GPR141: variants seen among roughly 807,000 people sequenced by gnomAD.
GPR141 encodes G protein-coupled receptor 141.
Under a neutral mutation model 6.8 loss-of-function variants are expected in GPR141, and 6 were observed. That is an observed-to-expected ratio of 0.88 (90% CI 0.48 to 1.74). The LOEUF (loss-of-function observed/expected upper bound fraction) is 1.74, where lower values mean the gene tolerates loss of function less well. GPR141 is among the 40% of genes most tolerant of loss of function. The pLI is 0.01. For missense variants in GPR141, 372 were observed against 372.9 expected, an observed-to-expected ratio of 1.00 and a Z score of 0.02; for synonymous variants, 140 against 142.3, an observed-to-expected ratio of 0.98 and a Z score of 0.11.
At chr7:37,690,144 T>C (rs1366745970) in intron 2 of GPR141, among the ~76,000 whole-genome samples, 2 of 152,236 alleles carry the variant, frequency 1.3e-5, no homozygotes, top group Non-Finnish European at 2.9e-5. Flanking sequence ...AATTTCTTCA[T>C]GACCAATTGG....
intron 2 of GPR141, among the ~76,000 whole-genome samples, chr7:37,723,195 G>A (rs1033757302): frequency 6.6e-6 from 1 of 151,870 alleles, no homozygotes; most frequent in Admixed American, 6.6e-5. Context: ...ATTTCACCAT[G>A]TTGGCCATGC....
At chr7:37,724,312 TA>T (rs1276014199) in intron 2 of GPR141, among the ~76,000 whole-genome samples, 4 of 152,024 alleles carry the variant, frequency 2.6e-5, no homozygotes, top group Admixed American at 1.3e-4. Flanking sequence ...TTTTTGCTAT[TA>T]AAAAAACCAT....
At chr7:37,703,484 A>G (rs1810385733) in intron 2 of GPR141, among the ~76,000 whole-genome samples, 1 of 152,018 alleles carries the variant, frequency 6.6e-6, no homozygotes, top group African/African-American at 2.4e-5. Flanking sequence ...TTTATCTTCT[A>G]CTCTGGAACA....
intron 2 of GPR141, among the ~76,000 whole-genome samples, chr7:37,737,870 T>C (rs1300482686): frequency 6.6e-6 from 1 of 152,090 alleles, no homozygotes; most frequent in Non-Finnish European, 1.5e-5. Context: ...AACTAACCTA[T>C]GGGATTGACT....
intron 2 of GPR141, among the ~76,000 whole-genome samples, chr7:37,691,618 G>T (rs1267200425): frequency 1.3e-5 from 2 of 152,094 alleles, no homozygotes; most frequent in African/African-American, 4.8e-5. Flanking sequence ...TGCTGTACAA[G>T]TTAGTTTTAT....
chr7:37,740,284 C>T, intron 2 of GPR141, 96 bp from the exon 3 acceptor site: 1 of 747,722 alleles, frequency 1.3e-6, no homozygotes. Context: ...ATCATATAAG[C>T]ACATAAATGG....
chr7:37,741,065 G>C lies in GPR141; in HGVS notation c.672G>C (p.Gln224His), dbSNP rs145445554. 6.2e-7 allele frequency: 1 copy of C among 1,614,110 alleles called. No individual in the cohort carries two copies. Among genetic ancestry groups the C allele is most frequent in the South Asian group, 1.1e-5 (1 of 91,086 alleles). Residue 224 changes from glutamine to histidine, a missense_variant, in exon 3 of 3, where the codon CAG becomes CAC. Physicochemically the swap from Gln to His is conservative, Grantham distance 24. Coordinates refer to ENST00000334425, the MANE Select transcript of GPR141 (RefSeq NM_001381946.1). Reference sequence around the variant, plus strand: ...TATCCCACCAGGAGTTCTGGGCTCAGCTGAAAAACCTATTTTTTATAGGGG... The same window carrying C: ...TATCCCACCAGGAGTTCTGGGCTCACCTGAAAAACCTATTTTTTATAGGGG... The part of the protein sequence containing the change: ...SLLSHQEFWA[Q>H]LKNLFFIGVI...
intron 2 of GPR141, among the ~76,000 whole-genome samples, chr7:37,696,344 G>A (rs1399777219): frequency 2.0e-5 from 3 of 152,084 alleles, no homozygotes; most frequent in South Asian, 2.1e-4. Context: ...TTCAACTTAC[G>A]ATGAGTTTTT....
intron 2 of GPR141, 108 bp from the exon 3 acceptor site, chr7:37,740,272 A>G (rs1424168006): frequency 1.4e-6 from 1 of 707,342 alleles, no homozygotes; most frequent in African/African-American, 1.8e-5. Context: ...TGTAAAGTTT[A>G]TATCATATAA....
At chr7:37,720,904 C>T (rs796084105) in intron 2 of GPR141, among the ~76,000 whole-genome samples, 1 of 152,088 alleles carries the variant, frequency 6.6e-6, no homozygotes. Flanking sequence ...CTTGAGTAGG[C>T]CTGTTTTAAT....
intron 2 of GPR141, among the ~76,000 whole-genome samples, chr7:37,720,020 G>A (rs1381844950): frequency 6.6e-6 from 1 of 152,216 alleles, no homozygotes; most frequent in Non-Finnish European, 1.5e-5. Context: ...CTCTGAAGGG[G>A]TGACCAGTCT....
intron 2 of GPR141, among the ~76,000 whole-genome samples, chr7:37,703,893 A>G (rs941698308): frequency 6.6e-6 from 1 of 152,116 alleles, no homozygotes; most frequent in Non-Finnish European, 1.5e-5. Context: ...CAAAAATACA[A>G]CTTTCGAAAA....
At chr7:37,718,677 GA>G (rs1811167455) in intron 2 of GPR141, among the ~76,000 whole-genome samples, 1 of 152,208 alleles carries the variant, frequency 6.6e-6, no homozygotes, top group East Asian at 1.9e-4. Context: ...GGAGATGCAT[GA>G]AAAAGCCACT....
intron 2 of GPR141, among the ~76,000 whole-genome samples, chr7:37,709,397 TACTTA>T (rs1254554248): frequency 1.3e-5 from 2 of 152,240 alleles, no homozygotes; most frequent in African/African-American, 2.4e-5. Context: ...GAGCATAATT[TACTTA>T]ACTTATTGTT....
At chr7:37,717,509 T>C (rs1811103809) in intron 2 of GPR141, among the ~76,000 whole-genome samples, 1 of 152,196 alleles carries the variant, frequency 6.6e-6, no homozygotes, top group African/African-American at 2.4e-5. Context: ...AACGTTTCCA[T>C]ATCAGTGCCT....
intron 2 of GPR141, among the ~76,000 whole-genome samples, chr7:37,734,947 C>T (rs1812162459): frequency 6.6e-6 from 1 of 152,178 alleles, no homozygotes; most frequent in South Asian, 2.1e-4. Flanking sequence ...AACATATTTA[C>T]ATTATAATTG....
At chr7:37,720,170 G>T (rs1811248712) in intron 2 of GPR141, among the ~76,000 whole-genome samples, 1 of 152,034 alleles carries the variant, frequency 6.6e-6, no homozygotes, top group Admixed American at 6.5e-5. Context: ...TGAACCAGGA[G>T]TTGGGCAGAA....
At chr7:37,691,546 T>G (rs1313380631) in intron 2 of GPR141, among the ~76,000 whole-genome samples, 7 of 152,154 alleles carry the variant, frequency 4.6e-5, no homozygotes, top group Non-Finnish European at 1.0e-4. Context: ...TGTTTAGTAT[T>G]GTGGTTTGAT....
chr7:37,696,969 A>G (rs1262859898), intron 2 of GPR141, among the ~76,000 whole-genome samples: 1 of 152,178 alleles, frequency 6.6e-6, no homozygotes, highest in African/African-American at 2.4e-5. Context: ...ATTTATCTTT[A>G]TAATACCATA....
Sources: allele counts gnomAD v4.1 joint callset (sites outside exome capture counted in the v4.1 genomes callset), GRCh38; gene constraint gnomAD v4.1.1; transcripts MANE v1.5; gene names NCBI Gene and HGNC (gene_info 2026-07-23, HGNC 2026-07-21).